Variants in SPAG9 observed in about 807,000 individuals in gnomAD.
The protein encoded by SPAG9 is C-Jun-amino-terminal kinase-interacting protein 4.
In SPAG9, 35 loss-of-function variants were observed where a neutral mutation model predicts 166.5. The ratio of observed to expected loss-of-function variants is 0.21; its 90% CI spans 0.16 to 0.28. SPAG9 has a LOEUF of 0.28. Ranked by LOEUF, SPAG9 falls within the 10% of genes least tolerant of loss-of-function variation. SPAG9 has a pLI of 1.00. For synonymous variants in SPAG9, 534 were observed against 565.5 expected (o/e 0.94, Z 0.79); for missense variants, 1,235 against 1,603.3 (o/e 0.77, Z 3.92).
At chr17:50,968,968 T>C (rs1453095807) in intron 29 of SPAG9, among the ~76,000 whole-genome samples, 3 of 151,728 alleles carry the variant, frequency 2.0e-5, no homozygotes, top group African/African-American at 7.3e-5. Flanking sequence ...AGTCTCACTC[T>C]GTCACCCAGG....
At chr17:51,106,928 C>T (rs1351048621) in intron 1 of SPAG9, among the ~76,000 whole-genome samples, 1 of 151,616 alleles carries the variant, frequency 6.6e-6, no homozygotes, top group Non-Finnish European at 1.5e-5. Context: ...ATGGTGAAAC[C>T]CCGTCTCTAC....
rs1444557398 is a variant in SPAG9 at position 50,984,993 on chromosome 17, G to A, written c.3021-3C>T. The A allele has an allele frequency of 6.2e-7, 1 of 1,613,698 alleles. No homozygotes were observed. Among genetic ancestry groups the A allele is most frequent in the Non-Finnish European group, 8.5e-7 (1 of 1,179,732 alleles). On this transcript the variant is annotated splice_region_variant and splice_polypyrimidine_tract_variant and intron_variant, in intron 23 of 29. Transcript: ENST00000262013. ...CTAACACGATTCCCTTCACGTGTCT[G>A]CAAACAGGAAAGGGGAGTTCAGAAC... is the stretch of plus-strand genomic sequence containing the variant.
chr17:51,077,033 T>TAGCTATCTAGCTAG (rs1568065402), intron 2 of SPAG9, among the ~76,000 whole-genome samples: 1 of 94,488 alleles, frequency 1.1e-5, no homozygotes, highest in Non-Finnish European at 2.4e-5. Context: ...TAGCTATCTA[T>TAGCTATCTAGCTAG]CTAGCTATCT....
intron 6 of SPAG9, among the ~76,000 whole-genome samples, chr17:51,026,333 A>AT (rs1209613958): frequency 2.0e-5 from 3 of 146,426 alleles, no homozygotes; most frequent in Admixed American, 6.8e-5. Context: ...AAAAAAAAAA[A>AT]AAAAAAAAAA....
intron 29 of SPAG9, among the ~76,000 whole-genome samples, chr17:50,969,765 T>C (rs1475829857): frequency 6.6e-6 from 1 of 151,650 alleles, no homozygotes; most frequent in Admixed American, 6.6e-5. Flanking sequence ...CCCCACCCCA[T>C]TCCCCAACCT....
chr17:51,035,147 T>TA (rs1395941408), intron 5 of SPAG9, among the ~76,000 whole-genome samples: 1 of 152,100 alleles, frequency 6.6e-6, no homozygotes, highest in Non-Finnish European at 1.5e-5. Flanking sequence ...CTGTCTGTAA[T>TA]AAAAATTTTT....
chr17:51,025,142 A>G (rs1160767004), intron 6 of SPAG9, among the ~76,000 whole-genome samples: 10 of 151,768 alleles, frequency 6.6e-5, no homozygotes, highest in East Asian at 5.8e-4. Flanking sequence ...AACATGGGGA[A>G]ACCCCGTCTC....
intron 1 of SPAG9, among the ~76,000 whole-genome samples, chr17:51,095,805 T>G (rs560659171): frequency 2.8e-5 from 4 of 140,840 alleles, no homozygotes; most frequent in African/African-American, 1.0e-4. Flanking sequence ...TAGTGATATA[T>G]AGTGAGATAT....
intron 24 of SPAG9, among the ~76,000 whole-genome samples, 156 bp from the exon 25 acceptor site, chr17:50,982,828 T>C (rs1974758288): frequency 6.6e-6 from 1 of 152,228 alleles, no homozygotes. Context: ...TGGGTTCTTT[T>C]ATTCCATAAG....
At chr17:50,967,628 C>T in intron 29 of SPAG9, among the ~76,000 whole-genome samples, 1 of 152,204 alleles carries the variant, frequency 6.6e-6, no homozygotes, top group East Asian at 1.9e-4. Context: ...AGACAAAAGG[C>T]TGTCGCCATT....
At chr17:51,110,464 G>A (rs2049075700) in intron 1 of SPAG9, among the ~76,000 whole-genome samples, 1 of 151,204 alleles carries the variant, frequency 6.6e-6, no homozygotes, top group African/African-American at 2.4e-5. Flanking sequence ...GCCGAGGCAG[G>A]CAGATCACTT....
Position 51,079,705 on chromosome 17 carries a change from C to T in SPAG9, c.304-1G>A. The T allele has an allele frequency of 6.6e-7, 1 of 1,523,776 alleles. No homozygotes were observed. The highest frequency in any genetic ancestry group is 9.0e-7 in the Non-Finnish European group (1 of 1,107,648). 94.4% of individuals were successfully genotyped at this position (1,523,776 alleles called of 1,614,324 possible). A position where few individuals can be genotyped will look rare whatever the true frequency, so the allele number is the denominator to read the frequency against. On this transcript the variant is annotated splice_acceptor_variant, in intron 1 of 29. Transcript: ENST00000262013. LOFTEE classifies it high-confidence loss of function. ...GAGAGTCTTCAAATTCAATGAATTT[C>T]TAATAAAGAAGAACAATATAAATTT...
At chr17:51,009,939 G>T (rs972526266) in intron 9 of SPAG9, among the ~76,000 whole-genome samples, 1 of 151,932 alleles carries the variant, frequency 6.6e-6, no homozygotes, top group Non-Finnish European at 1.5e-5. Flanking sequence ...ATTTCATTTT[G>T]AAATGATCAA....
chr17:50,993,095 C>CAAAAA (rs71149332), intron 19 of SPAG9, among the ~76,000 whole-genome samples: 1 of 75,576 alleles, frequency 1.3e-5, no homozygotes, highest in Non-Finnish European at 2.5e-5. Flanking sequence ...GACTCCATCT[C>CAAAAA]AAAAAAAAAA....
intron 1 of SPAG9, among the ~76,000 whole-genome samples, chr17:51,091,671 G>GAT (rs2144690985): frequency 6.6e-6 from 1 of 151,880 alleles, no homozygotes. Context: ...GGACTAGGGG[G>GAT]ATTAAGGGCC....
At chr17:51,016,675 G>C (rs76591772) in intron 8 of SPAG9, among the ~76,000 whole-genome samples, 10,700 of 152,262 alleles carry the variant, frequency 0.07, 396 homozygotes, top group Non-Finnish European at 0.089. Context: ...GGGAGGCCAA[G>C]GCGGGTGGAT....
intron 1 of SPAG9, among the ~76,000 whole-genome samples, chr17:51,099,863 G>A (rs1460469972): frequency 1.3e-5 from 2 of 151,142 alleles, no homozygotes; most frequent in African/African-American, 4.9e-5. Flanking sequence ...ACTTTGGGAG[G>A]CCGAGACAGG....
At position 50,999,483 on chromosome 17, in the gene SPAG9, G is replaced by A. The variant is rs536472064; in HGVS notation, c.1664+178C>T. On this transcript the variant is annotated intron_variant, in intron 14 of 29. Transcript: ENST00000262013. ...CCTTGAGAAGAGCCTTACCGAGTTG[G>A]CACACTATATATTAAAAAAAAAAAA... The A allele has an allele frequency of 4.6e-5, 69 of 1,504,720 alleles. No individual in the cohort carries two copies. In the African/African-American group the frequency reaches 8.8e-4, roughly 19 times the overall value. 93.2% of individuals were successfully genotyped at this position (1,504,720 alleles called of 1,614,324 possible).
intron 2 of SPAG9, among the ~76,000 whole-genome samples, chr17:51,075,762 T>G (rs2047952155): frequency 6.6e-6 from 1 of 151,982 alleles, no homozygotes. Flanking sequence ...AGTTCAAGGA[T>G]ACAGTGAGCT....
Sources: allele counts gnomAD v4.1 joint callset (sites outside exome capture counted in the v4.1 genomes callset), GRCh38; gene constraint gnomAD v4.1.1; transcripts MANE v1.5; gene names NCBI Gene and HGNC (gene_info 2026-07-23, HGNC 2026-07-21).